The following ABCA12 variants were observed in gnomAD, a reference collection of about 807,000 sequenced individuals.
ABCA12 encodes the protein ATP binding cassette subfamily A member 12.
A neutral mutation model predicts 293.5 loss-of-function variants in ABCA12; 156 were observed. The ratio of observed to expected loss-of-function variants is 0.53; its 90% CI spans 0.47 to 0.61. The LOEUF is 0.61. Ranked by LOEUF, ABCA12 falls within the 20% of genes least tolerant of loss-of-function variation. ABCA12 has a pLI of 0.00. For missense variants in ABCA12, 2,797 were observed against 3,090.2 expected, an observed-to-expected ratio of 0.91 and a Z score of 2.25; for synonymous variants, 1,063 against 1,108.0, an observed-to-expected ratio of 0.96 and a Z score of 0.81.
intron 2 of ABCA12, among the ~76,000 whole-genome samples, chr2:215,069,447 A>T (rs1211063471): frequency 1.3e-5 from 2 of 152,200 alleles, no homozygotes; most frequent in Non-Finnish European, 2.9e-5. Flanking sequence ...TGAATCTTAG[A>T]AGCATATTTG....
Position 215,019,719 on chromosome 2 carries a change from G to T in ABCA12, c.1365C>A (p.Leu455=). ...ACAGGCTCCCAAAGCTCATATCAGA[G>T]AGCTGGCATGACTTCTCTATCAAAC... ...TFSLIEKSCQ[L]SDMSFGSLCE... is the part of the protein sequence containing the mutation. Residue 455 remains leucine (L), a synonymous_variant, in exon 12 of 53, where the codon CTC becomes CTA. Transcript: ENST00000272895. 6.2e-7 allele frequency: 1 copy of T among 1,614,118 alleles called. No individual in the cohort carries two copies. Among genetic ancestry groups the T allele is most frequent in the Non-Finnish European group, 8.5e-7 (1 of 1,180,030 alleles).
Position 214,934,188 on chromosome 2 carries a change from G to T in ABCA12, c.7570C>A (p.His2524Asn), listed in dbSNP as rs769905380. The T allele has an allele frequency of 6.2e-7, 1 of 1,613,780 alleles. No homozygotes were observed. The highest frequency in any genetic ancestry group is 1.1e-5 in the South Asian group (1 of 91,078). Reference sequence around the variant, plus strand: ...ACTCCTCCTGCTGTGACTGGTACATGATACTCTAGCATGCTGAGGTGCTGA... The same window carrying T: ...ACTCCTCCTGCTGTGACTGGTACATTATACTCTAGCATGCTGAGGTGCTGA... Reference protein sequence around the residue: ...KDQHLSMLEYHVPVTAGGVAN... With the variant: ...KDQHLSMLEYNVPVTAGGVAN... The change falls in exon 52 of 53, where the codon CAT (histidine) becomes AAT (asparagine). Residue 2524 changes from histidine (H) to asparagine (N), a missense_variant. Around this residue, in one of 3 missense-constraint regions of ABCA12, gnomAD observed 2,130 missense variants for 2,427.0 expected, o/e 0.88. Transcript: ENST00000272895.
intron 33 of ABCA12, 100 bp downstream of exon 33, chr2:214,978,216 A>C: frequency 2.2e-6 from 3 of 1,391,080 alleles, no homozygotes; most frequent in Non-Finnish European, 3.0e-6. Flanking sequence ...TTTAGAATGA[A>C]ACTTTAGAGT....
chr2:215,009,346 A>G (rs961315453), intron 18 of ABCA12, among the ~76,000 whole-genome samples: 7 of 152,128 alleles, frequency 4.6e-5, no homozygotes, highest in African/African-American at 1.7e-4. Flanking sequence ...AGGAAAAATA[A>G]CTAATGGGTA....
chr2:215,026,902 T>C lies in ABCA12; in HGVS notation c.1098A>G (p.Leu366=), dbSNP rs1314707965. ...TATAAGGACTATTTGCTGATATATT[T>C]AAGAGGGCATCTTCAAAGTTTTCCA... ...LILENFEDAL[L]NISANSPYIP... is the part of the protein sequence containing the mutation. Residue 366 remains leucine (L), a synonymous_variant, in exon 10 of 53, where the codon TTA becomes TTG. Coordinates refer to ENST00000272895, the MANE Select transcript of ABCA12 (RefSeq NM_173076.3). 3 of 1,612,418 alleles carry C rather than the reference T, an allele frequency of 1.9e-6. No homozygotes were observed. The African/African-American group carries it at 4.0e-5, about 22-fold the overall frequency.
At chr2:215,089,359 A>G (rs930111413) in intron 2 of ABCA12, among the ~76,000 whole-genome samples, 3 of 152,212 alleles carry the variant, frequency 2.0e-5, no homozygotes, top group Non-Finnish European at 4.4e-5. Flanking sequence ...AGGAACCGCT[A>G]CATTCACAAA....
intron 3 of ABCA12, among the ~76,000 whole-genome samples, chr2:215,056,440 C>G (rs1044616620): frequency 3.3e-5 from 5 of 152,092 alleles, no homozygotes; most frequent in African/African-American, 1.2e-4. Context: ...ACAGCAGCTC[C>G]CATTCTAACA....
chr2:215,085,738 T>G (rs753110316), intron 2 of ABCA12, among the ~76,000 whole-genome samples: 2 of 152,122 alleles, frequency 1.3e-5, no homozygotes, highest in African/African-American at 2.4e-5. Context: ...CACTTTATAT[T>G]TGTAAGTAAC....
intron 2 of ABCA12, among the ~76,000 whole-genome samples, chr2:215,068,619 C>A (rs1701679512): frequency 6.6e-6 from 1 of 152,198 alleles, no homozygotes; most frequent in South Asian, 2.1e-4. Flanking sequence ...ATCTAATCGA[C>A]TTAATTCTTT....
chr2:214,992,679 T>C (rs925117148), intron 23 of ABCA12, among the ~76,000 whole-genome samples: 2 of 151,268 alleles, frequency 1.3e-5, no homozygotes, highest in African/African-American at 4.9e-5. Context: ...CAGGCCAACA[T>C]GGCAAAACCC....
At chr2:215,045,788 C>T (rs761872093) in intron 7 of ABCA12, 49 bp downstream of exon 7, 55 of 1,545,984 alleles carry the variant, frequency 3.6e-5, no homozygotes, top group Non-Finnish European at 4.4e-5. Flanking sequence ...TTTTTTTAAA[C>T]ACTTCTTTGT....
At chr2:215,037,991 A>T (rs945944659) in intron 7 of ABCA12, among the ~76,000 whole-genome samples, 1 of 152,160 alleles carries the variant, frequency 6.6e-6, no homozygotes, top group Non-Finnish European at 1.5e-5. Context: ...CTCAATGTGT[A>T]TTCCAGCAAT....
Position 215,123,235 on chromosome 2 carries a change from G to A in ABCA12, c.70-11545C>T, listed in dbSNP as rs191682220. On this transcript the variant is annotated intron_variant, in intron 1 of 52. Transcript: ENST00000272895. Reference sequence around the variant, plus strand: ...GCTGCTCAGGCTGGAGTGCAGTGGCGCAATCTCGGCTCACTGCAACCTCCA... The same window carrying A: ...GCTGCTCAGGCTGGAGTGCAGTGGCACAATCTCGGCTCACTGCAACCTCCA... 1.3e-4 allele frequency among the ~76,000 whole-genome samples: 20 copies of A among 152,042 alleles called. 1 individual carries two copies. The highest frequency in any genetic ancestry group is 2.1e-4 in the South Asian group (1 of 4,814).
intron 2 of ABCA12, among the ~76,000 whole-genome samples, chr2:215,086,391 T>C (rs1386585966): frequency 1.3e-5 from 2 of 152,202 alleles, no homozygotes; most frequent in African/African-American, 4.8e-5. Flanking sequence ...GCGAAGCCCT[T>C]TGCATGGAAA....
intron 39 of ABCA12, among the ~76,000 whole-genome samples, chr2:214,959,893 T>C (rs749381421): frequency 1.3e-5 from 2 of 152,136 alleles, no homozygotes; most frequent in Non-Finnish European, 2.9e-5. Context: ...GTAAAGTGTG[T>C]ACTGTCTGAG....
At position 215,138,434 on chromosome 2, in the gene ABCA12, A is replaced by G. The variant is rs536713184; in HGVS notation, c.-226T>C. 42 of 578,986 alleles carry G rather than the reference A, an allele frequency of 7.3e-5. No individual in the cohort carries two copies. The African/African-American group carries it at 7.9e-4, about 11-fold the overall frequency. 35.9% of individuals were successfully genotyped at this position (578,986 alleles called of 1,614,324 possible). Reference sequence around the variant, plus strand: ...CACTTCTCAATCAACTCTTCTTCCAAAAGAAGGACCCAGATCAGTATCTTT... The same window carrying G: ...CACTTCTCAATCAACTCTTCTTCCAGAAGAAGGACCCAGATCAGTATCTTT... On this transcript the variant is annotated 5_prime_UTR_variant, in exon 1 of 53. Transcript: ENST00000272895.
At chr2:215,105,714 A>G (rs1702452072) in intron 2 of ABCA12, among the ~76,000 whole-genome samples, 1 of 152,096 alleles carries the variant, frequency 6.6e-6, no homozygotes, top group African/African-American at 2.4e-5. Context: ...ATGGAAGGGC[A>G]GCAGTAACTC....
At chr2:214,947,295 C>T in intron 48 of ABCA12, 127 bp downstream of exon 48, 9 of 1,361,608 alleles carry the variant, frequency 6.6e-6, no homozygotes, top group Non-Finnish European at 9.4e-6. Context: ...GTGCTTTGCA[C>T]AATAGCTAGC....
At chr2:214,961,171 A>C (rs1699101552) in intron 39 of ABCA12, among the ~76,000 whole-genome samples, 1 of 152,074 alleles carries the variant, frequency 6.6e-6, no homozygotes, top group Non-Finnish European at 1.5e-5. Flanking sequence ...GTGATGTAGC[A>C]CTTCTTCTTT....
Sources: allele counts gnomAD v4.1 joint callset (sites outside exome capture counted in the v4.1 genomes callset), GRCh38; gene constraint gnomAD v4.1.1; regional missense constraint gnomAD v4.1.1; transcripts MANE v1.5; gene names NCBI Gene and HGNC (gene_info 2026-07-23, HGNC 2026-07-21).